The following SPAST variants were observed in gnomAD, a reference collection of about 807,000 sequenced individuals.
SPAST encodes the protein spastic paraplegia 4 (autosomal dominant; spastin).
In SPAST, 30 loss-of-function variants were observed where a neutral mutation model predicts 76.6. That is an observed-to-expected ratio of 0.39 (90% CI 0.29 to 0.53). The LOEUF (loss-of-function observed/expected upper bound fraction) is 0.53, where lower values mean the gene tolerates loss of function less well. Among genes scored for constraint, SPAST ranks in the 20% least tolerant of loss-of-function variants. The probability of loss-of-function intolerance (pLI) is 0.68; values close to 1 mark genes in which losing one functional copy is unlikely to be tolerated. For missense variants in SPAST, 717 were observed against 770.5 expected, an observed-to-expected ratio of 0.93 and a Z score of 0.82; for synonymous variants, 305 against 281.0, an observed-to-expected ratio of 1.09 and a Z score of -0.86.
chr2:32,125,863 T>C (rs1284162077), intron 7 of SPAST, among the ~76,000 whole-genome samples: 4 of 152,040 alleles, frequency 2.6e-5, no homozygotes, highest in Non-Finnish European at 5.9e-5. Context: ...GGCGCAATCT[T>C]GGCTCAATAC....
At chr2:32,137,506 T>G (rs1679578255) in intron 12 of SPAST, among the ~76,000 whole-genome samples, 1 of 152,190 alleles carries the variant, frequency 6.6e-6, no homozygotes, top group Non-Finnish European at 1.5e-5. Flanking sequence ...AATAATCAAA[T>G]CAGGGTTCAT....
At chr2:32,127,105 T>G in intron 8 of SPAST, 83 bp downstream of exon 8, 1 of 932,014 alleles carries the variant, frequency 1.1e-6, no homozygotes. Context: ...TGTCCTTGAG[T>G]CTATTATTTA....
intron 4 of SPAST, among the ~76,000 whole-genome samples, chr2:32,102,266 G>GAT (rs1246977135): frequency 2.3e-4 from 34 of 149,122 alleles, no homozygotes; most frequent in South Asian, 4.3e-4. Flanking sequence ...TCATGATTTG[G>GAT]CTGTTTGTCT....
Position 32,064,099 on chromosome 2 carries a change from A to C in SPAST, c.268A>C (p.Lys90Gln). Residue 90 changes from lysine (K) to glutamine (Q), a missense_variant, in exon 1 of 17, where the codon AAG (lysine) becomes CAG (glutamine). Coordinates refer to ENST00000315285, the MANE Select transcript of SPAST (RefSeq NM_014946.4). ...CTTCTCCCGCGCCCTCATGGCAGCC[A>C]AGAGGAGCTCCGGGGCCGCGCCAGC... The part of the protein sequence containing the change: ...QRFSRALMAA[K>Q]RSSGAAPAPA... 6.2e-7 allele frequency: 1 copy of C among 1,609,176 alleles called. No homozygotes were observed. The highest frequency in any genetic ancestry group is 8.5e-7 in the Non-Finnish European group (1 of 1,178,130).
chr2:32,132,087 G>A lies in SPAST; in HGVS notation c.1245+3608G>A, dbSNP rs139980220. ...ATACTGCCTGAATATCTTGAAGTAA[G>A]TTTACTTTTAAGAAAGTTGAGGCTA... On this transcript the variant is annotated intron_variant, in intron 9 of 16. Coordinates refer to ENST00000315285, the MANE Select transcript of SPAST (RefSeq NM_014946.4). Among the ~76,000 whole-genome samples, 1,358 of 152,142 alleles carry A rather than the reference G, an allele frequency of 8.9e-3. 23 individuals carry two copies. Among genetic ancestry groups the A allele is most frequent in the South Asian group, 0.049 (237 of 4,790 alleles).
At position 32,156,821 on chromosome 2, in the gene SPAST, AAGTC is replaced by A. The variant is rs1157335222; in HGVS notation, c.*2328_*2331del. 2 of 152,190 alleles carry A rather than the reference AAGTC, an allele frequency of 1.3e-5. No homozygotes were observed. The highest frequency in any genetic ancestry group is 2.9e-5 in the Non-Finnish European group (2 of 68,020). 9.4% of individuals were successfully genotyped at this position (152,190 alleles called of 1,614,324 possible). A position where few individuals can be genotyped will look rare whatever the true frequency, so the allele number is the denominator to read the frequency against. ...AGATTTCAAATGTTAAAAGAGATAA[AAGTC>A]AGGTTAATACTATCTTAAACACTGA... On this transcript the variant is annotated 3_prime_UTR_variant, in exon 17 of 17. Coordinates refer to ENST00000315285, the MANE Select transcript of SPAST (RefSeq NM_014946.4).
chr2:32,136,935 C>G lies in SPAST; in HGVS notation c.1380C>G (p.Arg460=). The G allele has an allele frequency of 6.2e-7, 1 of 1,613,610 alleles. No individual in the cohort carries two copies. The highest frequency in any genetic ancestry group is 8.5e-7 in the Non-Finnish European group (1 of 1,179,712). The change falls in exon 11 of 17, where the codon CGC becomes CGG. Residue 460 remains arginine, a synonymous_variant. Transcript: ENST00000315285. The part of the protein sequence containing the change: ...RREGEHDASR[R]LKTEFLIEFD... ...AAGGGGAGCACGATGCTAGTAGACG[C>G]CTAAAAACTGAATTTCTAATAGAAT... is the stretch of plus-strand genomic sequence containing the variant.
chr2:32,153,442 G>C (rs1319653991), intron 16 of SPAST, among the ~76,000 whole-genome samples: 1 of 149,492 alleles, frequency 6.7e-6, no homozygotes, highest in African/African-American at 2.5e-5. Context: ...TCCTGCCTCA[G>C]CCTCCTGAGT....
At position 32,087,694 on chromosome 2, in the gene SPAST, C is replaced by CTTT. The variant is rs770566493; in HGVS notation, c.502+132_502+134dup. ...TTCTTTCTTTCTTTTCTTTTCTTTT[C>CTTT]TTTTTTTTTTTTTTTTTTGAGACAG... is the stretch of plus-strand genomic sequence containing the variant. On this transcript the variant is annotated intron_variant, in intron 2 of 16. Transcript: ENST00000315285. 9.4e-3 allele frequency: 1,748 copies of CTTT among 185,542 alleles called. 13 individuals carry two copies. Among genetic ancestry groups the CTTT allele is most frequent in the South Asian group, 0.021 (228 of 10,742 alleles). 11.5% of individuals were successfully genotyped at this position (185,542 alleles called of 1,614,324 possible). A position where few individuals can be genotyped will look rare whatever the true frequency, so the allele number is the denominator to read the frequency against.
At chr2:32,124,193 G>A (rs1271802951) in intron 7 of SPAST, among the ~76,000 whole-genome samples, 1 of 152,114 alleles carries the variant, frequency 6.6e-6, no homozygotes, top group Non-Finnish European at 1.5e-5. Flanking sequence ...ATACAACCCA[G>A]TTAATAAATG....
chr2:32,067,492 A>G (rs1311077584), intron 1 of SPAST, among the ~76,000 whole-genome samples: 1 of 152,214 alleles, frequency 6.6e-6, no homozygotes, highest in African/African-American at 2.4e-5. Flanking sequence ...TAGCAGTTCC[A>G]TGTGAGGAAT....
intron 5 of SPAST, among the ~76,000 whole-genome samples, chr2:32,115,237 C>T (rs979381992): frequency 7.2e-5 from 11 of 152,132 alleles, no homozygotes; most frequent in South Asian, 4.1e-4. Context: ...CGTGAGCCAC[C>T]GTGCCCAAAG....
Position 32,154,739 on chromosome 2 carries a change from G to A in SPAST, c.*243G>A. ...TCACAGTTATCCCAATGGACACTAA[G>A]TTAGAGCACAACAAAACCTGATTCT... On this transcript the variant is annotated 3_prime_UTR_variant, in exon 17 of 17. Transcript: ENST00000315285. 3 of 484,902 alleles carry A rather than the reference G, an allele frequency of 6.2e-6. No individual in the cohort carries two copies. In the South Asian group the frequency reaches 6.7e-5, roughly 11 times the overall value. 30.0% of individuals were successfully genotyped at this position (484,902 alleles called of 1,614,324 possible).
At chr2:32,151,588 C>T (rs191285767) in intron 16 of SPAST, among the ~76,000 whole-genome samples, 50 of 152,036 alleles carry the variant, frequency 3.3e-4, no homozygotes, top group African/African-American at 1.0e-3. Flanking sequence ...TGTCAGTTAC[C>T]GGTGAATATA....
At chr2:32,095,510 T>C (rs1479498716) in intron 3 of SPAST, among the ~76,000 whole-genome samples, 1 of 151,800 alleles carries the variant, frequency 6.6e-6, no homozygotes, top group Non-Finnish European at 1.5e-5. Flanking sequence ...GTCGGGGGTA[T>C]TGCTTGAGTC....
intron 16 of SPAST, 22 bp downstream of exon 16, chr2:32,147,280 T>C (rs1553319878): frequency 1.8e-5 from 27 of 1,538,718 alleles, no homozygotes; most frequent in South Asian, 8.9e-5. Context: ...TACAATGATA[T>C]TTTCTTTGTC....
At chr2:32,147,526 A>T (rs1436364447) in intron 16 of SPAST, among the ~76,000 whole-genome samples, 1 of 152,066 alleles carries the variant, frequency 6.6e-6, no homozygotes, top group African/African-American at 2.4e-5. Flanking sequence ...CATGTTGGCC[A>T]GTCTGGCCTC....
intron 16 of SPAST, among the ~76,000 whole-genome samples, chr2:32,150,609 T>G (rs1252380629): frequency 6.6e-6 from 1 of 151,596 alleles, no homozygotes; most frequent in Non-Finnish European, 1.5e-5. Context: ...AGCTAAATTT[T>G]TAATTTTTTG....
intron 9 of SPAST, among the ~76,000 whole-genome samples, chr2:32,131,816 C>T (rs960986016): frequency 6.6e-6 from 1 of 151,712 alleles, no homozygotes; most frequent in Admixed American, 6.6e-5. Context: ...GCACCCGCCA[C>T]GACACTTGGC....
Sources: gnomAD v4.1 joint callset for allele counts (sites outside exome capture counted in the v4.1 genomes callset) on GRCh38, gnomAD v4.1.1 for gene constraint, MANE v1.5 for transcripts, NCBI Gene and HGNC (gene_info 2026-07-23, HGNC 2026-07-21) for gene names.